Variants in PTPRD observed in about 807,000 individuals in gnomAD.
PTPRD encodes protein tyrosine phosphatase receptor type D.
A neutral mutation model predicts 214.5 loss-of-function variants in PTPRD; 34 were observed. The ratio of observed to expected loss-of-function variants is 0.16; its 90% CI spans 0.12 to 0.21. The LOEUF (loss-of-function observed/expected upper bound fraction) is 0.21. Among genes scored for constraint, PTPRD ranks in the 10% least tolerant of loss-of-function variants. The pLI, the probability that PTPRD is intolerant of heterozygous loss-of-function variation, is 1.00. For missense variants in PTPRD, 2,545 were observed against 2,398.7 expected, an observed-to-expected ratio of 1.06 and a Z score of -1.27; for synonymous variants, 1,128 against 845.7, an observed-to-expected ratio of 1.33 and a Z score of -5.79.
At chr9:10,425,795 A>C (rs962370756) in intron 2 of PTPRD, among the ~76,000 whole-genome samples, 1 of 151,938 alleles carries the variant, frequency 6.6e-6, no homozygotes, top group Non-Finnish European at 1.5e-5. Flanking sequence ...TTTTAATTAA[A>C]CTAATAGCAG....
rs867570335 is a variant in PTPRD, at chr9:10,422,710, G to A, written c.-599-81693C>T. ...CCAACAGACACTTAAAAAAGTGCTC[G>A]TCATCACTGGCCATCAGAGAAATGC... On this transcript the variant is annotated intron_variant, in intron 2 of 45. Transcript: ENST00000381196. Among the ~76,000 whole-genome samples, 5 of 152,062 alleles carry A rather than the reference G, an allele frequency of 3.3e-5. No homozygotes were observed. The South Asian group carries it at 6.2e-4, about 19-fold the overall frequency.
chr9:9,024,356 T>TTTTG (rs1554639645), intron 10 of PTPRD, among the ~76,000 whole-genome samples: 1 of 147,084 alleles, frequency 6.8e-6, no homozygotes, highest in Non-Finnish European at 1.5e-5. Flanking sequence ...TTGTTTGTTT[T>TTTTG]TTTTTTTTTC....
chr9:9,901,034 C>G (rs531178096), intron 5 of PTPRD, among the ~76,000 whole-genome samples: 12 of 152,226 alleles, frequency 7.9e-5, no homozygotes, highest in Middle Eastern at 3.4e-3. Flanking sequence ...GACAGTTCTG[C>G]AGGCTGTACA....
chr9:10,317,845 A>C (rs1366382222), intron 3 of PTPRD, among the ~76,000 whole-genome samples: 1 of 152,028 alleles, frequency 6.6e-6, no homozygotes, highest in Non-Finnish European at 1.5e-5. Context: ...CCTTTGGCTC[A>C]CATGTGATAC....
At chr9:9,823,908 T>C (rs2051706073) in intron 5 of PTPRD, among the ~76,000 whole-genome samples, 3 of 152,116 alleles carry the variant, frequency 2.0e-5, no homozygotes, top group Admixed American at 2.0e-4. Context: ...ATGTTTGAGA[T>C]AATGAATATC....
intron 12 of PTPRD, among the ~76,000 whole-genome samples, chr9:8,683,862 C>T (rs140438701): frequency 1.3e-5 from 2 of 152,166 alleles, no homozygotes; most frequent in Non-Finnish European, 2.9e-5. Context: ...TGGGCTAAGA[C>T]GTAAGGGTTC....
chr9:8,576,793 T>G (rs999433657), intron 14 of PTPRD, among the ~76,000 whole-genome samples: 10 of 152,166 alleles, frequency 6.6e-5, no homozygotes, highest in African/African-American at 2.4e-4. Context: ...CTAATCTCAG[T>G]GTATGCCACC....
intron 9 of PTPRD, among the ~76,000 whole-genome samples, chr9:9,202,703 C>G (rs2099942587): frequency 6.6e-6 from 1 of 152,148 alleles, no homozygotes; most frequent in Admixed American, 6.5e-5. Context: ...ATGTTCCTAC[C>G]AAATGATCTT....
intron 7 of PTPRD, among the ~76,000 whole-genome samples, chr9:9,610,993 G>C (rs190166927): frequency 6.6e-6 from 1 of 152,150 alleles, no homozygotes; most frequent in African/African-American, 2.4e-5. Flanking sequence ...CACATTGATT[G>C]AATATGTAAT....
intron 12 of PTPRD, among the ~76,000 whole-genome samples, chr9:8,668,104 T>C (rs1565135896): frequency 6.6e-6 from 1 of 152,172 alleles, no homozygotes; most frequent in Non-Finnish European, 1.5e-5. Context: ...TGTGCTAGTG[T>C]AAAAATATAT....
chr9:8,705,307 G>A (rs986106432), intron 12 of PTPRD, among the ~76,000 whole-genome samples: 11 of 152,194 alleles, frequency 7.2e-5, no homozygotes, highest in African/African-American at 2.2e-4. Flanking sequence ...TGCAACCTCC[G>A]CCTCTGGGAT....
At chr9:10,364,968 G>C (rs570247833) in intron 2 of PTPRD, among the ~76,000 whole-genome samples, 9 of 152,210 alleles carry the variant, frequency 5.9e-5, no homozygotes, top group South Asian at 2.1e-4. Context: ...GCCAATAAGC[G>C]CTGTGCTGAA....
intron 11 of PTPRD, among the ~76,000 whole-genome samples, chr9:8,964,757 TG>T (rs1191756022): frequency 2.6e-5 from 4 of 152,162 alleles, no homozygotes; most frequent in Non-Finnish European, 4.4e-5. Context: ...GTTGTGTCTC[TG>T]TTTTCACTTA....
chr9:9,314,111 G>A (rs1380455942), intron 9 of PTPRD, among the ~76,000 whole-genome samples: 1 of 152,078 alleles, frequency 6.6e-6, no homozygotes, highest in East Asian at 1.9e-4. Context: ...TTATTTGTTT[G>A]TTTGAAGGTG....
chr9:8,482,718 TG>T (rs1413516368), intron 30 of PTPRD, among the ~76,000 whole-genome samples: 1 of 152,244 alleles, frequency 6.6e-6, no homozygotes, highest in East Asian at 1.9e-4. Flanking sequence ...TTTTCACTTC[TG>T]GGTATACCCT....
chr9:10,020,361 G>T (rs1359344986), intron 4 of PTPRD, among the ~76,000 whole-genome samples: 3 of 149,670 alleles, frequency 2.0e-5, no homozygotes, highest in East Asian at 2.0e-4. Context: ...GAGTGCAGTG[G>T]CATGATCTCG....
At chr9:10,372,203 C>A (rs144250208) in intron 2 of PTPRD, among the ~76,000 whole-genome samples, 252 of 152,184 alleles carry the variant, frequency 1.7e-3, no homozygotes, top group African/African-American at 5.7e-3. Flanking sequence ...TGCTTTATTA[C>A]AATGACCTCC....
chr9:8,627,113 G>A (rs188705348), intron 14 of PTPRD, among the ~76,000 whole-genome samples: 2 of 151,674 alleles, frequency 1.3e-5, no homozygotes, highest in Non-Finnish European at 2.9e-5. Context: ...CTCTCACAGT[G>A]TATCATCCAT....
chr9:9,802,433 T>C (rs1265084874), intron 5 of PTPRD, among the ~76,000 whole-genome samples: 1 of 151,960 alleles, frequency 6.6e-6, no homozygotes, highest in East Asian at 1.9e-4. Context: ...TAGGCCATAA[T>C]TTGCTCCTAA....
Sources: gnomAD v4.1 joint callset for allele counts (sites outside exome capture counted in the v4.1 genomes callset) on GRCh38, gnomAD v4.1.1 for gene constraint, MANE v1.5 for transcripts, NCBI Gene and HGNC (gene_info 2026-07-23, HGNC 2026-07-21) for gene names.